Variants in THSD7A observed in about 807,000 individuals in gnomAD.
THSD7A encodes the protein thrombospondin type 1 domain containing 7A, also known as thrombospondin type-1 domain-containing protein 7A.
A neutral mutation model predicts 231.3 loss-of-function variants in THSD7A; 96 were observed. The observed-to-expected ratio is 0.41, with a 90% CI of 0.35 to 0.49. THSD7A has a LOEUF of 0.49. THSD7A is among the 20% of genes least tolerant of loss of function. The pLI is 0.05. For missense variants in THSD7A, 2,290 were observed against 2,070.2 expected (o/e 1.11, Z -2.06); for synonymous variants, 940 against 743.3 (o/e 1.26, Z -4.30).
At chr7:11,625,188 C>T (rs2128355123) in intron 2 of THSD7A, among the ~76,000 whole-genome samples, 1 of 152,088 alleles carries the variant, frequency 6.6e-6, no homozygotes, top group African/African-American at 2.4e-5. Context: ...AGTTTGTGAT[C>T]TGTTATATGT....
intron 17 of THSD7A, among the ~76,000 whole-genome samples, chr7:11,415,667 G>C (rs1583698126): frequency 6.6e-6 from 1 of 152,060 alleles, no homozygotes; most frequent in African/African-American, 2.4e-5. Context: ...ATAACTATTT[G>C]CCTTAATGCC....
At chr7:11,808,421 C>A (rs1006741240) in intron 1 of THSD7A, among the ~76,000 whole-genome samples, 1 of 152,140 alleles carries the variant, frequency 6.6e-6, no homozygotes, top group Non-Finnish European at 1.5e-5. Context: ...AACCTGCCAA[C>A]ACCTTGGTCT....
intron 1 of THSD7A, among the ~76,000 whole-genome samples, chr7:11,808,972 T>G (rs1342108191): frequency 1.8e-4 from 28 of 152,110 alleles, no homozygotes; most frequent in Admixed American, 1.8e-3. Flanking sequence ...TATATCAAAA[T>G]TTCTGGGAAT....
chr7:11,730,592 T>A (rs1449053085), intron 1 of THSD7A, among the ~76,000 whole-genome samples: 3 of 151,654 alleles, frequency 2.0e-5, no homozygotes, highest in Non-Finnish European at 4.4e-5. Context: ...GAATACGAAC[T>A]GTTTTCTTCT....
chr7:11,509,942 A>G (rs1787734454), intron 6 of THSD7A, among the ~76,000 whole-genome samples: 1 of 152,112 alleles, frequency 6.6e-6, no homozygotes, highest in East Asian at 1.9e-4. Flanking sequence ...AAAGTGTTGG[A>G]GGTAATGGCT....
chr7:11,500,886 A>G (rs1787305219), intron 6 of THSD7A, among the ~76,000 whole-genome samples: 1 of 151,628 alleles, frequency 6.6e-6, no homozygotes, highest in Non-Finnish European at 1.5e-5. Flanking sequence ...CTGAGCTGAG[A>G]TCGCACCACT....
intron 6 of THSD7A, among the ~76,000 whole-genome samples, chr7:11,503,257 A>T (rs1787412068): frequency 6.6e-6 from 1 of 152,242 alleles, no homozygotes; most frequent in African/African-American, 2.4e-5. Flanking sequence ...CTGGCTAGCC[A>T]TATGCAGAAG....
chr7:11,387,334 C>T (rs536305794), intron 23 of THSD7A, among the ~76,000 whole-genome samples: 3 of 152,136 alleles, frequency 2.0e-5, no homozygotes, highest in Non-Finnish European at 4.4e-5. Context: ...TTGATTCTTC[C>T]TATCCATGAT....
At chr7:11,501,163 T>G (rs1188732109) in intron 6 of THSD7A, among the ~76,000 whole-genome samples, 1 of 151,812 alleles carries the variant, frequency 6.6e-6, no homozygotes, top group East Asian at 1.9e-4. Context: ...AGACATAGAC[T>G]CCCCACACAA....
chr7:11,524,540 G>C (rs1788393844), intron 6 of THSD7A, among the ~76,000 whole-genome samples: 1 of 152,162 alleles, frequency 6.6e-6, no homozygotes, highest in Admixed American at 6.6e-5. Context: ...GACTTTAAAA[G>C]ACCGATGAAC....
rs1789217826 is a variant in THSD7A at position 11,542,998 on chromosome 7, T to C, written c.1573A>G (p.Thr525Ala). The change falls in exon 5 of 28, where the codon ACT (threonine) becomes GCT (alanine). Residue 525 changes from threonine (T) to alanine (A), a missense_variant. Thr to Ala is a moderately conservative substitution (Grantham distance 58). Transcript: ENST00000423059. The part of the protein sequence containing the change: ...VSPWSAWGPC[T>A]YENCNDQQGK... The stretch of plus-strand genomic sequence containing the variant: ...TGCTGATCATTACAGTTTTCATAAG[T>C]ACAAGGTCCCCAAGCTGACCAAGGT... The C allele has an allele frequency of 6.2e-7, 1 of 1,613,820 alleles. No homozygotes were observed. The highest frequency in any genetic ancestry group is 1.7e-5 in the Admixed American group (1 of 60,004).
At chr7:11,571,093 T>G (rs1583998484) in intron 4 of THSD7A, among the ~76,000 whole-genome samples, 1 of 152,216 alleles carries the variant, frequency 6.6e-6, no homozygotes. Context: ...GCATTTTAGT[T>G]GGGAGGACAC....
At chr7:11,770,453 A>G (rs545911422) in intron 1 of THSD7A, among the ~76,000 whole-genome samples, 2 of 152,284 alleles carry the variant, frequency 1.3e-5, no homozygotes, top group South Asian at 4.1e-4. Flanking sequence ...AGTCAAGAGT[A>G]TAGTTTAAAG....
At chr7:11,629,632 G>A (rs998658195) in intron 2 of THSD7A, among the ~76,000 whole-genome samples, 2 of 152,100 alleles carry the variant, frequency 1.3e-5, no homozygotes, top group African/African-American at 4.8e-5. Context: ...CGTGGGGATG[G>A]GCCCTCAGGA....
At chr7:11,671,330 T>C (rs2128378442) in intron 1 of THSD7A, among the ~76,000 whole-genome samples, 1 of 152,264 alleles carries the variant, frequency 6.6e-6, no homozygotes, top group South Asian at 2.1e-4. Flanking sequence ...CAGTTTATTT[T>C]TCAGTCCCAG....
intron 8 of THSD7A, among the ~76,000 whole-genome samples, chr7:11,473,706 T>C (rs539672560): frequency 3.3e-5 from 5 of 152,242 alleles, no homozygotes; most frequent in African/African-American, 4.8e-5. Flanking sequence ...TGGTTCTTTG[T>C]TCTCCCCTCC....
chr7:11,447,328 A>T lies in THSD7A; in HGVS notation c.2702T>A (p.Ile901Asn). 6.2e-7 allele frequency: 1 copy of T among 1,612,836 alleles called. No homozygotes were observed. The highest frequency in any genetic ancestry group is 1.1e-5 in the South Asian group (1 of 91,034). The stretch of plus-strand genomic sequence containing the variant: ...CAATTGACAGTCATCCTGGCAGGGG[A>T]TCTGGCAGGCCTGGGTAAGGGCTGG... ...PVPALTQACQ[I>N]PCQDDCQLTS... The change falls in exon 12 of 28, where the codon ATC becomes AAC. Residue 901 changes from isoleucine to asparagine, a missense_variant. Ile to Asn is a moderately radical substitution (Grantham distance 149). Coordinates refer to ENST00000423059, the MANE Select transcript of THSD7A (RefSeq NM_015204.3).
chr7:11,555,803 C>T (rs1477549818), intron 4 of THSD7A, among the ~76,000 whole-genome samples: 1 of 151,440 alleles, frequency 6.6e-6, no homozygotes, highest in Non-Finnish European at 1.5e-5. Flanking sequence ...TGGATTGACT[C>T]TTTTGTCATT....
intron 1 of THSD7A, among the ~76,000 whole-genome samples, chr7:11,765,990 A>G (rs1338912891): frequency 6.6e-6 from 1 of 152,202 alleles, no homozygotes; most frequent in African/African-American, 2.4e-5. Context: ...GGCAAAACAT[A>G]TTCTCACCTT....
Sources: allele counts gnomAD v4.1 joint callset (sites outside exome capture counted in the v4.1 genomes callset), GRCh38; gene constraint gnomAD v4.1.1; transcripts MANE v1.5; gene names NCBI Gene and HGNC (gene_info 2026-07-23, HGNC 2026-07-21).